WWOX: variants seen among roughly 807,000 people sequenced by gnomAD.
The protein encoded by WWOX is WW domain-containing oxidoreductase.
In WWOX, 69 loss-of-function variants were observed where a neutral mutation model predicts 46.2. The observed-to-expected ratio is 1.49, with a 90% CI of 1.23 to 1.82. WWOX has a LOEUF of 1.82. WWOX is among the 40% of genes most tolerant of loss of function. WWOX has a pLI of 0.00. For missense variants in WWOX, 919 were observed against 542.6 expected (o/e 1.69, Z -6.89); for synonymous variants, 359 against 202.6 (o/e 1.77, Z -6.56).
intron 8 of WWOX, among the ~76,000 whole-genome samples, chr16:78,934,092 T>G (rs1052079435): frequency 2.6e-5 from 4 of 151,606 alleles, no homozygotes; most frequent in Admixed American, 2.6e-4. Flanking sequence ...TCCCAGCACT[T>G]TCGGAGGCCT....
intron 5 of WWOX, among the ~76,000 whole-genome samples, chr16:78,245,675 T>G (rs2037794925): frequency 1.3e-5 from 2 of 152,132 alleles, no homozygotes; most frequent in Non-Finnish European, 2.9e-5. Context: ...GGGAACGGAG[T>G]GGGGATTTGT....
At chr16:78,970,296 G>C (rs1254597152) in intron 8 of WWOX, among the ~76,000 whole-genome samples, 1 of 152,128 alleles carries the variant, frequency 6.6e-6, no homozygotes, top group East Asian at 1.9e-4. Flanking sequence ...TTGATTCTCT[G>C]CCCTTCCCCA....
At chr16:78,623,235 T>G (rs2151647163) in intron 8 of WWOX, among the ~76,000 whole-genome samples, 2 of 152,236 alleles carry the variant, frequency 1.3e-5, no homozygotes, top group South Asian at 4.2e-4. Flanking sequence ...TGTTAAGCTT[T>G]TGGTAATTTG....
chr16:78,770,129 A>T (rs1042195859), intron 8 of WWOX, among the ~76,000 whole-genome samples: 1 of 152,082 alleles, frequency 6.6e-6, no homozygotes, highest in African/African-American at 2.4e-5. Flanking sequence ...AGGTGGGCCA[A>T]TCACTGAGGT....
chr16:78,495,206 T>C (rs941403277), intron 8 of WWOX, among the ~76,000 whole-genome samples: 2 of 134,964 alleles, frequency 1.5e-5, no homozygotes, highest in African/African-American at 5.2e-5. Flanking sequence ...GGTGGCATGA[T>C]CTCGGCTCAC....
intron 5 of WWOX, among the ~76,000 whole-genome samples, chr16:78,289,987 A>G (rs2151859975): frequency 6.6e-6 from 1 of 152,298 alleles, no homozygotes; most frequent in East Asian, 1.9e-4. Context: ...TCAGCCCGTG[A>G]ATTTAGTTAA....
At chr16:78,502,886 C>T (rs1449488600) in intron 8 of WWOX, among the ~76,000 whole-genome samples, 1 of 152,112 alleles carries the variant, frequency 6.6e-6, no homozygotes, top group African/African-American at 2.4e-5. Context: ...AGAAGGAAGG[C>T]AATGGCGTTT....
chr16:78,716,483 G>A (rs979676709), intron 8 of WWOX, among the ~76,000 whole-genome samples: 4 of 152,130 alleles, frequency 2.6e-5, no homozygotes, highest in Non-Finnish European at 4.4e-5. Flanking sequence ...GTGTTATTTG[G>A]CAGAGGAAGA....
At chr16:78,406,735 T>A (rs971175087) in intron 6 of WWOX, among the ~76,000 whole-genome samples, 2 of 151,464 alleles carry the variant, frequency 1.3e-5, no homozygotes, top group African/African-American at 4.9e-5. Flanking sequence ...CAAGCGATTC[T>A]CCTGCCTCAG....
rs368545901 is a variant in WWOX at position 78,944,211 on chromosome 16, C to G, written c.1057-267397C>G. On this transcript the variant is annotated intron_variant, in intron 8 of 8. Coordinates refer to ENST00000566780, the MANE Select transcript of WWOX (RefSeq NM_016373.4). ...CACATCCCATCCTTCTGGATAATCT[C>G]TTCTACCCTCCCTTTCCAGATAAAA... Among the ~76,000 whole-genome samples, 114 of 152,144 alleles carry G rather than the reference C, an allele frequency of 7.5e-4. 2 individuals are homozygous for G. The South Asian group carries it at 0.02, about 27-fold the overall frequency.
chr16:78,432,784 C>A lies in WWOX; in HGVS notation c.1056+32C>A, dbSNP rs748322929. On this transcript the variant is annotated intron_variant, in intron 8 of 8. Transcript: ENST00000566780. Reference sequence around the variant, plus strand: ...GAACAGCTTCTGGCGCCGCAAACACCTTGGGTCCTAGAGAAACCTGCACAC... The same window carrying A: ...GAACAGCTTCTGGCGCCGCAAACACATTGGGTCCTAGAGAAACCTGCACAC... The A allele has an allele frequency of 2.0e-5, 32 of 1,613,794 alleles. No individual in the cohort carries two copies. The East Asian group carries it at 6.7e-4, about 34-fold the overall frequency.
chr16:78,346,483 C>G lies in WWOX; in HGVS notation c.517-40377C>G, dbSNP rs1032063459. Among the ~76,000 whole-genome samples, 4 of 120,006 alleles carry G rather than the reference C, an allele frequency of 3.3e-5. 2 individuals carry two copies. The highest frequency in any genetic ancestry group is 5.7e-5 in the African/African-American group (2 of 35,382). 78.7% of individuals were successfully genotyped at this position (120,006 alleles called of 152,430 possible). ...CTTTTTAAGAGGTTGGCAAATACTT[C>G]CCTAAAGTGGTCATCCCATTTTACA... is the stretch of plus-strand genomic sequence containing the variant. On this transcript the variant is annotated intron_variant, in intron 5 of 8. Coordinates refer to ENST00000566780, the MANE Select transcript of WWOX (RefSeq NM_016373.4).
chr16:78,663,669 C>A (rs1223881724), intron 8 of WWOX, among the ~76,000 whole-genome samples: 1 of 152,110 alleles, frequency 6.6e-6, no homozygotes, highest in African/African-American at 2.4e-5. Flanking sequence ...TGTGTCTTGA[C>A]ATGTCTGACA....
intron 4 of WWOX, among the ~76,000 whole-genome samples, chr16:78,126,384 A>T (rs1242114221): frequency 1.3e-5 from 2 of 152,172 alleles, no homozygotes; most frequent in Non-Finnish European, 2.9e-5. Context: ...TCCTTGCCAA[A>T]CTTGAGAATT....
intron 8 of WWOX, among the ~76,000 whole-genome samples, chr16:78,445,570 C>T (rs1008172811): frequency 2.6e-5 from 4 of 152,112 alleles, no homozygotes; most frequent in African/African-American, 9.7e-5. Flanking sequence ...ACTAATTCAT[C>T]TTCACAGAAA....
At chr16:78,418,464 T>A (rs1250373253) in intron 6 of WWOX, among the ~76,000 whole-genome samples, 2 of 151,880 alleles carry the variant, frequency 1.3e-5, no homozygotes, top group African/African-American at 4.8e-5. Context: ...GTGAAGCCAC[T>A]ATTACTCTGA....
In WWOX at chr16:78,457,788, C is replaced by T. The variant is rs566493243; in HGVS notation, c.1056+25036C>T. Among the ~76,000 whole-genome samples the T allele has an allele frequency of 1.6e-4, 24 of 151,280 alleles. No homozygotes were observed. In the South Asian group the frequency reaches 1.7e-3, roughly 11 times the overall value. ...AATTATAGCTGGGCGTGGTGGCGGG[C>T]GCCTGTAGTCCCAGCTACTTGGGAG... is the stretch of plus-strand genomic sequence containing the variant. On this transcript the variant is annotated intron_variant, in intron 8 of 8. Coordinates refer to ENST00000566780, the MANE Select transcript of WWOX (RefSeq NM_016373.4).
intron 8 of WWOX, among the ~76,000 whole-genome samples, chr16:78,979,431 G>A (rs1555506454): frequency 2.0e-5 from 3 of 152,126 alleles, no homozygotes; most frequent in Non-Finnish European, 4.4e-5. Context: ...CTCGGAATAC[G>A]TACGTGACAG....
At chr16:78,792,105 G>T (rs1474705821) in intron 8 of WWOX, among the ~76,000 whole-genome samples, 1 of 152,070 alleles carries the variant, frequency 6.6e-6, no homozygotes, top group Admixed American at 6.5e-5. Flanking sequence ...GTATCCCTTA[G>T]TCATTGCCGC....
Sources: gnomAD v4.1 joint callset for allele counts (sites outside exome capture counted in the v4.1 genomes callset) on GRCh38, gnomAD v4.1.1 for gene constraint, MANE v1.5 for transcripts, NCBI Gene and HGNC (gene_info 2026-07-23, HGNC 2026-07-21) for gene names.